CSMD1: variants seen among roughly 807,000 people sequenced by gnomAD.
The protein encoded by CSMD1 is CUB and Sushi multiple domains 1.
CSMD1 carries 213 observed loss-of-function variants against 417.5 expected under a neutral mutation model. The observed-to-expected ratio is 0.51, with a 90% CI of 0.46 to 0.57. The LOEUF (loss-of-function observed/expected upper bound fraction) is 0.57, where lower values mean the gene tolerates loss of function less well. CSMD1 is among the 20% of genes least tolerant of loss of function. The pLI, the probability that CSMD1 is intolerant of heterozygous loss-of-function variation, is 0.00. For synonymous variants in CSMD1, 2,862 were observed against 1,736.8 expected, an observed-to-expected ratio of 1.65 and a Z score of -16.11; for missense variants, 6,923 against 4,529.7, an observed-to-expected ratio of 1.53 and a Z score of -15.17.
In CSMD1 at chr8:4,105,512, A is replaced by G. The variant is rs567831844; in HGVS notation, c.416-73413T>C. Among the ~76,000 whole-genome samples, 5 of 152,360 alleles carry G rather than the reference A, an allele frequency of 3.3e-5. No individual in the cohort carries two copies. In the South Asian group the frequency reaches 8.3e-4, roughly 25 times the overall value. Reference sequence around the variant, plus strand: ...TGTTCCAGAGATGGTTCTAGGCTTCATTAAGCTTATTTTCTGCTGGATGCA... The same window carrying G: ...TGTTCCAGAGATGGTTCTAGGCTTCGTTAAGCTTATTTTCTGCTGGATGCA... On this transcript the variant is annotated intron_variant, in intron 3 of 69. Transcript: ENST00000635120.
At chr8:4,264,512 CT>C (rs1490005403) in intron 3 of CSMD1, among the ~76,000 whole-genome samples, 14 of 152,290 alleles carry the variant, frequency 9.2e-5, no homozygotes, top group African/African-American at 3.4e-4. Context: ...TGTACCCCCC[CT>C]GAAGCTGAGA....
At chr8:4,191,890 T>C (rs1037238672) in intron 3 of CSMD1, among the ~76,000 whole-genome samples, 2 of 152,118 alleles carry the variant, frequency 1.3e-5, no homozygotes, top group Non-Finnish European at 2.9e-5. Context: ...TTGACAACAA[T>C]TCAAAGATGA....
chr8:4,839,618 C>G (rs1866283), intron 1 of CSMD1, among the ~76,000 whole-genome samples: 1 of 151,902 alleles, frequency 6.6e-6, no homozygotes, highest in Non-Finnish European at 1.5e-5. Context: ...TAATACTTCA[C>G]TTAAGAAGAA....
chr8:4,628,705 T>C (rs541491160), intron 2 of CSMD1, among the ~76,000 whole-genome samples: 1 of 151,780 alleles, frequency 6.6e-6, no homozygotes, highest in East Asian at 1.9e-4. Flanking sequence ...TTGGTTAAAA[T>C]TACACTGACT....
intron 3 of CSMD1, among the ~76,000 whole-genome samples, chr8:4,169,973 T>C (rs17069205): frequency 0.012 from 1,856 of 151,106 alleles, 71 homozygotes; most frequent in African/African-American, 0.042. Context: ...CCATACTGTA[T>C]CCTTTGTGCA....
intron 3 of CSMD1, among the ~76,000 whole-genome samples, chr8:4,371,317 C>G (rs1802383109): frequency 6.6e-6 from 1 of 152,122 alleles, no homozygotes. Context: ...TACTCACAGA[C>G]TACTGGCAAC....
At chr8:3,269,973 C>G (rs942309637) in intron 26 of CSMD1, among the ~76,000 whole-genome samples, 3 of 151,654 alleles carry the variant, frequency 2.0e-5, no homozygotes, top group African/African-American at 7.3e-5. Flanking sequence ...CACAACCCTA[C>G]TCCATTGATG....
rs942541259 is a variant in CSMD1, at chr8:4,571,179, T to C, written c.302+66163A>G. Among the ~76,000 whole-genome samples the C allele has an allele frequency of 6.6e-5, 10 of 152,292 alleles. 1 individual carries two copies. The highest frequency in any genetic ancestry group is 3.9e-4 in the East Asian group (2 of 5,172). ...CTGATCTTAGTTATTTCTTGTCTTC[T>C]GCTAGGTTTGAATTTGTTTGCTCTT... On this transcript the variant is annotated intron_variant, in intron 2 of 69. Coordinates refer to ENST00000635120, the MANE Select transcript of CSMD1 (RefSeq NM_033225.6).
rs1390217765 is a variant in CSMD1, at chr8:4,648,915, C to A, written c.86-11357G>T. 3.3e-5 allele frequency among the ~76,000 whole-genome samples: 5 copies of A among 152,178 alleles called. 1 individual carries two copies. The highest frequency in any genetic ancestry group is 3.3e-4 in the Admixed American group (5 of 15,276). The stretch of plus-strand genomic sequence containing the variant: ...AGTGTGCTTCCGCATATACGTAAAT[C>A]AATTTCAGTCTGCAATGAAGCCAGC... On this transcript the variant is annotated intron_variant, in intron 1 of 69. Transcript: ENST00000635120.
intron 3 of CSMD1, among the ~76,000 whole-genome samples, chr8:4,387,489 T>C (rs914000574): frequency 1.3e-5 from 2 of 148,630 alleles, no homozygotes; most frequent in Admixed American, 1.4e-4. Context: ...CATATCATAC[T>C]TGCATAATTG....
intron 54 of CSMD1, among the ~76,000 whole-genome samples, chr8:2,997,725 T>C (rs663157): frequency 0.012 from 1,772 of 151,920 alleles, 30 homozygotes; most frequent in African/African-American, 0.041. Flanking sequence ...CTATACAGGG[T>C]AGAAATAAAT....
chr8:4,281,691 A>G (rs1796793705), intron 3 of CSMD1, among the ~76,000 whole-genome samples: 1 of 152,238 alleles, frequency 6.6e-6, no homozygotes, highest in South Asian at 2.1e-4. Context: ...GTGATAACAT[A>G]TACATACAAG....
chr8:4,101,500 C>A (rs1801303596), intron 3 of CSMD1, among the ~76,000 whole-genome samples: 1 of 152,164 alleles, frequency 6.6e-6, no homozygotes, highest in Non-Finnish European at 1.5e-5. Flanking sequence ...CTCAGTCACC[C>A]TGCAGTCACC....
rs555685518 is a variant in CSMD1 at position 4,268,151 on chromosome 8, G to A, written c.415+151802C>T. 1.2e-3 allele frequency among the ~76,000 whole-genome samples: 188 copies of A among 152,178 alleles called. 1 individual carries two copies. The highest frequency in any genetic ancestry group is 4.3e-3 in the African/African-American group (177 of 41,542). On this transcript the variant is annotated intron_variant, in intron 3 of 69. Transcript: ENST00000635120. ...TTAAACATATGTCCAAATCCAAAAT[G>A]TATTTTCACAACAACTTAATTTGGA...
intron 2 of CSMD1, among the ~76,000 whole-genome samples, chr8:4,440,435 G>T (rs1020340460): frequency 6.6e-6 from 1 of 151,950 alleles, no homozygotes; most frequent in Non-Finnish European, 1.5e-5. Flanking sequence ...TTTTCCCCCA[G>T]CACAAAATCA....
At chr8:2,970,053 A>T (rs909526538) in intron 57 of CSMD1, among the ~76,000 whole-genome samples, 1 of 152,136 alleles carries the variant, frequency 6.6e-6, no homozygotes, top group East Asian at 1.9e-4. Flanking sequence ...TTTTTTTCAT[A>T]GAAAACTTTT....
At chr8:3,808,299 T>C (rs1800862994) in intron 5 of CSMD1, among the ~76,000 whole-genome samples, 1 of 152,190 alleles carries the variant, frequency 6.6e-6, no homozygotes, top group Admixed American at 6.5e-5. Flanking sequence ...TTGTTCTTTT[T>C]ATATTAATGG....
intron 12 of CSMD1, among the ~76,000 whole-genome samples, chr8:3,452,721 G>A (rs547334028): frequency 2.0e-5 from 3 of 152,324 alleles, no homozygotes; most frequent in South Asian, 2.1e-4. Context: ...TGGTGTGCCA[G>A]TATTTTATTG....
chr8:3,148,024 G>T (rs1818947338), intron 40 of CSMD1, among the ~76,000 whole-genome samples: 2 of 152,278 alleles, frequency 1.3e-5, no homozygotes, highest in Admixed American at 1.3e-4. Context: ...TGTGACGTCA[G>T]TTGAAATACC....
Sources: allele counts gnomAD v4.1 joint callset (sites outside exome capture counted in the v4.1 genomes callset), GRCh38; gene constraint gnomAD v4.1.1; transcripts MANE v1.5; gene names NCBI Gene and HGNC (gene_info 2026-07-23, HGNC 2026-07-21).